RANBP2: variants seen among roughly 807,000 people sequenced by gnomAD.
RANBP2 encodes RAN binding protein 2, also known as E3 SUMO-protein ligase RanBP2.
A neutral mutation model predicts 303.6 loss-of-function variants in RANBP2; 57 were observed. The ratio of observed to expected loss-of-function variants is 0.19; its 90% confidence interval spans 0.15 to 0.23. The LOEUF (loss-of-function observed/expected upper bound fraction) is 0.23. RANBP2 is among the 10% of genes least tolerant of loss of function. The probability of loss-of-function intolerance (pLI) is 1.00; values close to 1 mark genes in which losing one functional copy is unlikely to be tolerated. For missense variants in RANBP2, 3,138 were observed against 3,780.8 expected (o/e 0.83, Z 4.46); for synonymous variants, 1,167 against 1,301.5 (o/e 0.90, Z 2.23).
chr2:108,798,937 G>A, the RANBP2 span, among the ~76,000 whole-genome samples: 106 of 151,698 alleles, frequency 7.0e-4, 1 homozygote, highest in Non-Finnish European at 1.6e-4. Context: ...TAAGAATAAA[G>A]ACATTCTCCA....
the RANBP2 span, among the ~76,000 whole-genome samples, chr2:109,705,267 TG>T: frequency 6.6e-6 from 1 of 151,726 alleles, no homozygotes; most frequent in Non-Finnish European, 1.5e-5. Context: ...TAGCTCGGTG[TG>T]GTGGTGCATG....
chr2:109,497,818 G>A, the RANBP2 span, among the ~76,000 whole-genome samples: 2 of 152,216 alleles, frequency 1.3e-5, no homozygotes, highest in African/African-American at 4.8e-5. Flanking sequence ...TATTTTTAAA[G>A]CTGCTTGTTT....
chr2:109,725,692 A>T, the RANBP2 span, among the ~76,000 whole-genome samples: 1 of 152,072 alleles, frequency 6.6e-6, no homozygotes, highest in East Asian at 1.9e-4. Context: ...TGAGTTTCAT[A>T]TTTTTATACT....
chr2:109,713,287 C>A, the RANBP2 span, among the ~76,000 whole-genome samples: 1 of 152,110 alleles, frequency 6.6e-6, no homozygotes, highest in Admixed American at 6.6e-5. Context: ...CATTAATAAG[C>A]CCTCCTGGTA....
chr2:109,293,573 A>G, the RANBP2 span, among the ~76,000 whole-genome samples: 2 of 152,248 alleles, frequency 1.3e-5, no homozygotes, highest in Non-Finnish European at 2.9e-5. Flanking sequence ...AAAGGGTGTG[A>G]AGCCCATGCC....
At chr2:109,348,850 G>A in the RANBP2 span, among the ~76,000 whole-genome samples, 1 of 152,220 alleles carries the variant, frequency 6.6e-6, no homozygotes, top group African/African-American at 2.4e-5. Context: ...AAATGACAGA[G>A]CCAGAATCCT....
the RANBP2 span, among the ~76,000 whole-genome samples, chr2:108,877,895 A>G: frequency 6.6e-6 from 1 of 152,228 alleles, no homozygotes; most frequent in South Asian, 2.1e-4. Flanking sequence ...CTTAGAAGAA[A>G]GGAAAAACCA....
the RANBP2 span, among the ~76,000 whole-genome samples, chr2:109,530,760 TTCTC>T: frequency 6.6e-6 from 1 of 152,068 alleles, no homozygotes. Flanking sequence ...TGCTTGCTCT[TTCTC>T]TCTCTCTCCC....
the RANBP2 span, among the ~76,000 whole-genome samples, chr2:109,550,714 C>A: frequency 6.6e-6 from 1 of 152,208 alleles, no homozygotes; most frequent in Non-Finnish European, 1.5e-5. Context: ...TTCTGCCCTG[C>A]CTGCCTAGAA....
the RANBP2 span, among the ~76,000 whole-genome samples, chr2:109,772,628 GCTTT>G: frequency 1.8e-5 from 2 of 114,160 alleles, no homozygotes; most frequent in African/African-American, 3.6e-5. Flanking sequence ...GCCTTGCATG[GCTTT>G]CTAAGGAGCT....
the RANBP2 span, chr2:109,546,277 G>C: frequency 1.5e-6 from 2 of 1,358,984 alleles, no homozygotes; most frequent in Admixed American, 2.5e-5. Context: ...GACACAGCGC[G>C]GCAGCAGAGG....
the RANBP2 span, among the ~76,000 whole-genome samples, chr2:109,190,376 G>A: frequency 2.0e-5 from 3 of 152,358 alleles, no homozygotes; most frequent in African/African-American, 4.8e-5. Flanking sequence ...GTTTCGCCAT[G>A]TTGGCCAGGC....
At chr2:109,520,935 C>CA in the RANBP2 span, among the ~76,000 whole-genome samples, 261 of 118,272 alleles carry the variant, frequency 2.2e-3, 4 homozygotes, top group African/African-American at 5.3e-3. Context: ...GACTCCATCT[C>CA]AAAAAAAAAA....
chr2:108,771,812 C>G lies in RANBP2; in HGVS notation c.7961C>G (p.Pro2654Arg). 6.2e-7 allele frequency: 1 copy of G among 1,614,064 alleles called. No homozygotes were observed. Among genetic ancestry groups the G allele is most frequent in the South Asian group, 1.1e-5 (1 of 91,086 alleles). ...GCCCTTGCAACCAAACTTAAACTTCCTCCAACTTTCTTCTGCTACAAGAAT... is the reference window on the plus strand; with the variant it reads ...GCCCTTGCAACCAAACTTAAACTTCGTCCAACTTTCTTCTGCTACAAGAAT... Reference protein sequence around the residue: ...QKALATKLKLPPTFFCYKNRP... With the variant: ...QKALATKLKLRPTFFCYKNRP... Residue 2654 changes from proline (P) to arginine (R), a missense_variant, in exon 21 of 29, where the codon CCT becomes CGT. By Grantham distance (103) the Pro-to-Arg change is moderately radical. Coordinates refer to ENST00000283195, the MANE Select transcript of RANBP2 (RefSeq NM_006267.5).
At chr2:109,722,036 C>A in the RANBP2 span, among the ~76,000 whole-genome samples, 1 of 152,180 alleles carries the variant, frequency 6.6e-6, no homozygotes, top group East Asian at 1.9e-4. Flanking sequence ...GCCTACAGAG[C>A]TTTAGTGAGG....
chr2:109,700,822 C>G, the RANBP2 span, among the ~76,000 whole-genome samples: 1 of 151,962 alleles, frequency 6.6e-6, no homozygotes, highest in African/African-American at 2.4e-5. Context: ...CTCAACAGAT[C>G]CGAGGAGTCA....
chr2:109,197,929 G>C, the RANBP2 span, among the ~76,000 whole-genome samples: 1 of 152,204 alleles, frequency 6.6e-6, no homozygotes, highest in East Asian at 1.9e-4. Flanking sequence ...CTGGCCCCTT[G>C]GGCAGCCTTG....
chr2:109,621,514 A>T, the RANBP2 span, among the ~76,000 whole-genome samples: 2 of 152,076 alleles, frequency 1.3e-5, no homozygotes, highest in African/African-American at 4.8e-5. Context: ...AGTCTTCTGG[A>T]TCTCTAAGAA....
the RANBP2 span, among the ~76,000 whole-genome samples, chr2:109,484,023 C>T: frequency 6.6e-6 from 1 of 151,906 alleles, no homozygotes; most frequent in Admixed American, 6.6e-5. Flanking sequence ...CCAGCCTCCT[C>T]AGTTGGCCCT....
Sources: allele counts gnomAD v4.1 joint callset (sites outside exome capture counted in the v4.1 genomes callset), GRCh38; gene constraint gnomAD v4.1.1; transcripts MANE v1.5; gene names NCBI Gene and HGNC (gene_info 2026-07-23, HGNC 2026-07-21).